Variants in RGS17 observed in about 807,000 individuals in gnomAD.
RGS17 encodes regulator of G-protein signaling 17.
In RGS17, 12 loss-of-function variants were observed where a neutral mutation model predicts 25.5. The observed-to-expected ratio is 0.47, with a 90% CI of 0.30 to 0.76. The LOEUF is 0.76. Ranked by LOEUF, RGS17 falls within the 30% of genes least tolerant of loss-of-function variation. The pLI, the probability that RGS17 is intolerant of heterozygous loss-of-function variation, is 0.07. For synonymous variants in RGS17, 71 were observed against 76.9 expected (o/e 0.92, Z 0.40); for missense variants, 196 against 242.2 (o/e 0.81, Z 1.27).
chr6:153,041,492 G>A (rs1034678395), intron 2 of RGS17, among the ~76,000 whole-genome samples: 20 of 152,054 alleles, frequency 1.3e-4, no homozygotes, highest in African/African-American at 4.6e-4. Flanking sequence ...AATGTTAAAT[G>A]TTTTGTTATT....
Position 153,127,627 on chromosome 6 carries a change from C to T in RGS17, c.-26+3497G>A, listed in dbSNP as rs150880364. 8.5e-5 allele frequency among the ~76,000 whole-genome samples: 13 copies of T among 152,222 alleles called. No homozygotes were observed. In the East Asian group the frequency reaches 2.5e-3, roughly 29 times the overall value. ...TCATGCTCTTCACATCCATATCTGC[C>T]TATAGGTAATTTTGTATCGTAGGGG... On this transcript the variant is annotated intron_variant, in intron 1 of 4. Transcript: ENST00000206262.
chr6:153,092,952 T>C (rs945506852), intron 1 of RGS17, among the ~76,000 whole-genome samples: 1 of 152,114 alleles, frequency 6.6e-6, no homozygotes, highest in African/African-American at 2.4e-5. Flanking sequence ...GGGCTTCAGA[T>C]TACTCAATTT....
chr6:153,011,338 GA>G lies in RGS17; in HGVS notation c.*235del, dbSNP rs1404032013. ...TACAAATACACTTTGCTTGCAAGTA[GA>G]ATGAGTCTTGAATAAAACAAACAAT... On this transcript the variant is annotated 3_prime_UTR_variant, in exon 5 of 5. Transcript: ENST00000206262. 3 of 483,310 alleles carry G rather than the reference GA, an allele frequency of 6.2e-6. No homozygotes were observed. Among genetic ancestry groups the G allele is most frequent in the Non-Finnish European group, 1.1e-5 (3 of 273,154 alleles). 29.9% of individuals were successfully genotyped at this position (483,310 alleles called of 1,614,324 possible).
intron 1 of RGS17, among the ~76,000 whole-genome samples, chr6:153,121,106 T>C (rs1433854600): frequency 1.3e-5 from 2 of 152,020 alleles, no homozygotes; most frequent in Admixed American, 6.6e-5. Context: ...AGAGTAAGGA[T>C]TGAATTACAC....
Position 153,024,255 on chromosome 6 carries a change from T to G in RGS17, c.444+7A>C, listed in dbSNP as rs1172991954. ...GAAGCCCACCTCAATGTTTTCCAGA[T>G]TTTTACCTCTTTTGGTGATAGTATA... On this transcript the variant is annotated splice_region_variant and intron_variant, in intron 4 of 4. Transcript: ENST00000206262. The G allele has an allele frequency of 6.3e-7, 1 of 1,590,376 alleles. No individual in the cohort carries two copies. The highest frequency in any genetic ancestry group is 1.1e-5 in the South Asian group (1 of 89,764).
intron 1 of RGS17, among the ~76,000 whole-genome samples, chr6:153,121,203 T>C (rs1207247577): frequency 6.6e-6 from 1 of 152,200 alleles, no homozygotes; most frequent in Non-Finnish European, 1.5e-5. Context: ...GGAAATCTAA[T>C]GCAAACACTT....
chr6:153,018,693 T>A (rs1423953189), intron 4 of RGS17, among the ~76,000 whole-genome samples: 7 of 152,366 alleles, frequency 4.6e-5, no homozygotes, highest in Non-Finnish European at 8.8e-5. Context: ...TTCAACAAGA[T>A]TTGTCTGTCT....
At chr6:153,019,463 C>G (rs987577342) in intron 4 of RGS17, among the ~76,000 whole-genome samples, 1 of 152,124 alleles carries the variant, frequency 6.6e-6, no homozygotes, top group African/African-American at 2.4e-5. Flanking sequence ...TTTGTTCCCA[C>G]CCTAATCACA....
Position 153,009,026 on chromosome 6 carries a change from T to TCAA in RGS17, c.*2545_*2547dup, listed in dbSNP as rs1190645661. 2.0e-5 allele frequency: 3 copies of TCAA among 152,146 alleles called. No individual in the cohort carries two copies. The allele number at this position is 152,146 out of a possible 1,614,324, so 9.4% of individuals were successfully genotyped here. On this transcript the variant is annotated 3_prime_UTR_variant, in exon 5 of 5. Transcript: ENST00000206262. ...AATCTGCTCTCGAATCTTTTTTAAC[T>TCAA]CAACTTCCTCATCAGGTTTCAAAAG...
At chr6:153,028,661 A>AT (rs1046225341) in intron 2 of RGS17, among the ~76,000 whole-genome samples, 5 of 152,176 alleles carry the variant, frequency 3.3e-5, no homozygotes, top group Admixed American at 3.3e-4. Context: ...AAAATGTACA[A>AT]TTTTTTGGTA....
intron 1 of RGS17, among the ~76,000 whole-genome samples, chr6:153,129,850 G>T (rs958700662): frequency 2.6e-5 from 4 of 152,242 alleles, no homozygotes; most frequent in Non-Finnish European, 5.9e-5. Context: ...CCAGGAGCCA[G>T]GGTCAATCGT....
chr6:153,088,518 T>C (rs1341103809), intron 1 of RGS17, among the ~76,000 whole-genome samples: 1 of 152,232 alleles, frequency 6.6e-6, no homozygotes, highest in Non-Finnish European at 1.5e-5. Context: ...TTATTCCCAA[T>C]ATGTCTAATT....
chr6:153,080,119 C>T (rs1409407518), intron 1 of RGS17, among the ~76,000 whole-genome samples: 1 of 152,012 alleles, frequency 6.6e-6, no homozygotes, highest in Non-Finnish European at 1.5e-5. Flanking sequence ...GTAGCTGGGA[C>T]TACAGGCACA....
rs935884937 is a variant in RGS17, at chr6:153,095,564, T to C, written c.-26+35560A>G. Among the ~76,000 whole-genome samples the C allele has an allele frequency of 9.9e-4, 150 of 152,278 alleles. 1 individual carries two copies. The highest frequency in any genetic ancestry group is 3.5e-3 in the African/African-American group (147 of 41,572). The stretch of plus-strand genomic sequence containing the variant: ...TTGGGATATTAGATACATTATTTTA[T>C]AGAGATATAAAATTGAATTTCGAAA... On this transcript the variant is annotated intron_variant, in intron 1 of 4. Coordinates refer to ENST00000206262, the MANE Select transcript of RGS17 (RefSeq NM_012419.5).
chr6:153,012,126 G>C (rs1458543490), intron 4 of RGS17, among the ~76,000 whole-genome samples: 1 of 152,132 alleles, frequency 6.6e-6, no homozygotes, highest in Non-Finnish European at 1.5e-5. Context: ...TGTGACTGGG[G>C]GAGGTTGGCA....
At chr6:153,096,059 T>C (rs1355752791) in intron 1 of RGS17, among the ~76,000 whole-genome samples, 2 of 152,124 alleles carry the variant, frequency 1.3e-5, no homozygotes, top group African/African-American at 4.8e-5. Context: ...TGGGTAGAAA[T>C]AATTTCCAAG....
intron 1 of RGS17, among the ~76,000 whole-genome samples, chr6:153,056,107 T>C (rs1166115320): frequency 6.6e-6 from 1 of 152,240 alleles, no homozygotes; most frequent in Non-Finnish European, 1.5e-5. Context: ...CAATTTAGAA[T>C]GCATTAACAG....
chr6:153,064,084 A>G (rs569189637), intron 1 of RGS17, among the ~76,000 whole-genome samples: 1 of 152,338 alleles, frequency 6.6e-6, no homozygotes, highest in South Asian at 2.1e-4. Context: ...CTATCTTACA[A>G]GAAATGCTAA....
chr6:153,063,732 G>C (rs1225990859), intron 1 of RGS17, among the ~76,000 whole-genome samples: 1 of 152,066 alleles, frequency 6.6e-6, no homozygotes, highest in Non-Finnish European at 1.5e-5. Context: ...ATTACAAGAA[G>C]GTTATAGAAG....
Sources: allele counts gnomAD v4.1 joint callset (sites outside exome capture counted in the v4.1 genomes callset), GRCh38; gene constraint gnomAD v4.1.1; transcripts MANE v1.5; gene names NCBI Gene and HGNC (gene_info 2026-07-23, HGNC 2026-07-21).